Variants in PLPPR3 observed in about 807,000 individuals in gnomAD.
The protein encoded by PLPPR3 is phospholipid phosphatase-related protein type 3.
In PLPPR3, 14 loss-of-function variants were observed where a neutral mutation model predicts 27.3. The ratio of observed to expected loss-of-function variants is 0.51; its 90% confidence interval spans 0.34 to 0.80. PLPPR3 has a LOEUF of 0.80. Ranked by LOEUF, PLPPR3 falls within the 30% of genes least tolerant of loss-of-function variation. The pLI is 0.01. For missense variants in PLPPR3, 1,287 were observed against 1,056.9 expected, an observed-to-expected ratio of 1.22 and a Z score of -3.02; for synonymous variants, 671 against 508.0, an observed-to-expected ratio of 1.32 and a Z score of -4.32.
Position 815,864 on chromosome 19 carries a change from G to A in PLPPR3, c.76-13C>T. 6.2e-7 allele frequency: 1 copy of A among 1,610,822 alleles called. No homozygotes were observed. Among genetic ancestry groups the A allele is most frequent in the Non-Finnish European group, 8.5e-7 (1 of 1,178,758 alleles). ...CCACTATGGGCAGCTGTGGGGACAAGGTGGGCCAGGTTCACCCTGCTCTCC... is the reference window on the plus strand; with the variant it reads ...CCACTATGGGCAGCTGTGGGGACAAAGTGGGCCAGGTTCACCCTGCTCTCC... On this transcript the variant is annotated splice_polypyrimidine_tract_variant and intron_variant, in intron 2 of 7. Coordinates refer to ENST00000520876, the MANE Select transcript of PLPPR3 (RefSeq NM_001270366.2).
At chr19:814,346 T>A (rs1349519953) in intron 7 of PLPPR3, 88 bp downstream of exon 7, 1 of 1,316,016 alleles carries the variant, frequency 7.6e-7, no homozygotes, top group Non-Finnish European at 1.0e-6. Context: ...TGGGCCAGCC[T>A]CCCCACTCAG....
chr19:822,570 C>T (rs2145088154), upstream of PLPPR3, among the ~76,000 whole-genome samples: 1 of 152,290 alleles, frequency 6.6e-6, no homozygotes, highest in South Asian at 2.1e-4. Flanking sequence ...CCACCCTCCG[C>T]CTGGCCGCAG....
rs1311030776 is a variant in PLPPR3, at chr19:812,847, C to A, written c.1880G>T (p.Gly627Val). 1.8e-6 allele frequency: 2 copies of A among 1,142,092 alleles called. No homozygotes were observed. The highest frequency in any genetic ancestry group is 2.2e-6 in the Non-Finnish European group (2 of 928,232). 70.7% of individuals were successfully genotyped at this position (1,142,092 alleles called of 1,614,324 possible). The change falls in exon 8 of 8, where the codon GGC becomes GTC. Residue 627 changes from glycine (G) to valine (V), a missense_variant. Transcript: ENST00000520876. Reference protein sequence around the residue: ...GGYELGDLARGFRGGAKPPGV... With the variant: ...GGYELGDLARVFRGGAKPPGV... ...CGGGGGCTTGGCCCCGCCGCGGAAG[C>A]CGCGCGCCAGGTCCCCCAGCTCGTA...
At chr19:819,639 A>G (rs1287874447) in intron 2 of PLPPR3, among the ~76,000 whole-genome samples, 1 of 152,112 alleles carries the variant, frequency 6.6e-6, no homozygotes, top group African/African-American at 2.4e-5. Context: ...ATTTTCTATG[A>G]AGTGATGTGG....
In PLPPR3 at chr19:813,015, G is replaced by T; in HGVS notation, c.1712C>A (p.Ser571Ter). Residue 571 changes from serine to a stop codon, truncating the protein, a stop_gained, in exon 8 of 8, where the codon TCG (serine) becomes TAG (stop). Coordinates refer to ENST00000520876, the MANE Select transcript of PLPPR3 (RefSeq NM_001270366.2). LOFTEE classifies it low-confidence loss of function (END_TRUNC). This position sits in a 1 kb window ranked among gnomAD's most constrained non-coding sequence, Gnocchi z 4.1. Reference sequence around the variant, plus strand: ...GCTGGCGGAGTCGCGGTCCGACGGCGACCGGTACTGCGAGGAGTCGGAGCT... The same window carrying T: ...GCTGGCGGAGTCGCGGTCCGACGGCTACCGGTACTGCGAGGAGTCGGAGCT... ...SASSDSSQYR[S>*]PSDRDSASIV... 2 of 1,518,332 alleles carry T rather than the reference G, an allele frequency of 1.3e-6. No individual in the cohort carries two copies. Among genetic ancestry groups the T allele is most frequent in the South Asian group, 2.4e-5 (2 of 83,848 alleles). The allele number at this position is 1,518,332 out of a possible 1,614,324, so 94.1% of individuals were successfully genotyped here.
rs1342805790 is a variant in PLPPR3, at chr19:813,352, C to T, written c.1375G>A (p.Glu459Lys). The T allele has an allele frequency of 2.0e-6, 3 of 1,480,190 alleles. No individual in the cohort carries two copies. The highest frequency in any genetic ancestry group is 2.9e-5 in the African/African-American group (2 of 69,438). The allele number at this position is 1,480,190 out of a possible 1,614,324, so 91.7% of individuals were successfully genotyped here. ...EEEEEEEEEE[E>K]DEGPAPPSLY... ...GAGGGCGGGGCCGGGCCCTCGTCCT[C>T]CTCCTCTTCCTCCTCCTCCTCTTCC... is the stretch of plus-strand genomic sequence containing the variant. Residue 459 changes from glutamate (E) to lysine (K), a missense_variant, in exon 8 of 8, where the codon GAG becomes AAG. By Grantham distance (56) the Glu-to-Lys change is moderately conservative. Coordinates refer to ENST00000520876, the MANE Select transcript of PLPPR3 (RefSeq NM_001270366.2). This position sits in a 1 kb window ranked among gnomAD's most constrained non-coding sequence, Gnocchi z 4.1.
chr19:814,784 T>G, intron 5 of PLPPR3, 35 bp from the exon 6 acceptor site: 1 of 1,558,920 alleles, frequency 6.4e-7, no homozygotes, highest in Non-Finnish European at 8.6e-7. Flanking sequence ...CCCGCCCACC[T>G]GGGGACCCCA....
intron 2 of PLPPR3, among the ~76,000 whole-genome samples, chr19:816,445 C>CA (rs2035057245): frequency 6.7e-6 from 1 of 149,486 alleles, no homozygotes; most frequent in African/African-American, 2.5e-5. Context: ...CATCTACCCA[C>CA]CTACCCATCC....
chr19:818,524 G>A (rs2035096813), intron 2 of PLPPR3, among the ~76,000 whole-genome samples: 1 of 151,958 alleles, frequency 6.6e-6, no homozygotes, highest in African/African-American at 2.4e-5. Flanking sequence ...AACACAGTAA[G>A]ACCCTGTCTC....
Position 812,521 on chromosome 19 carries a change from GCCGCCC to G in PLPPR3, c.*43_*48del, listed in dbSNP as rs2034936401. 5 of 987,480 alleles carry G rather than the reference GCCGCCC, an allele frequency of 5.1e-6. No homozygotes were observed. Among genetic ancestry groups the G allele is most frequent in the Non-Finnish European group, 6.0e-6 (5 of 830,690 alleles). The allele number at this position is 987,480 out of a possible 1,614,324, so 61.2% of individuals were successfully genotyped here. ...TGCCGCTTTATTGAGCATCCGCGCGGCCGCCCGCGCCCTCGGCCCGCCCCCCGCCCG... is the reference window on the plus strand; with the variant it reads ...TGCCGCTTTATTGAGCATCCGCGCGGGCGCCCTCGGCCCGCCCCCCGCCCG... On this transcript the variant is annotated 3_prime_UTR_variant, in exon 8 of 8. Transcript: ENST00000520876.
Position 812,609 on chromosome 19 carries a change from GC to G in PLPPR3, c.2117del (p.Gly706AlafsTer36). The G allele has an allele frequency of 9.0e-7, 1 of 1,116,032 alleles. No homozygotes were observed. Among genetic ancestry groups the G allele is most frequent in the Non-Finnish European group, 1.1e-6 (1 of 903,102 alleles). 69.1% of individuals were successfully genotyped at this position (1,116,032 alleles called of 1,614,324 possible). On this transcript the variant is annotated frameshift_variant, in exon 8 of 8. Coordinates refer to ENST00000520876, the MANE Select transcript of PLPPR3 (RefSeq NM_001270366.2). LOFTEE classifies it low-confidence loss of function (END_TRUNC). The part of the protein sequence containing the change: ...AEREAEAEAE[G>X]YFRKMQARRF... The stretch of plus-strand genomic sequence containing the variant: ...GGCGCGCCTGCATCTTGCGGAAGTA[GC>G]CCTCGGCCTCCGCCTCCGCCTCGCG...
At position 813,309 on chromosome 19, in the gene PLPPR3, T is replaced by C; in HGVS notation, c.1418A>G (p.Gln473Arg). 1 of 1,463,674 alleles carries C rather than the reference T, an allele frequency of 6.8e-7. No homozygotes were observed. The highest frequency in any genetic ancestry group is 8.9e-7 in the Non-Finnish European group (1 of 1,120,182). The allele number at this position is 1,463,674 out of a possible 1,614,324, so 90.7% of individuals were successfully genotyped here. ...CCGAGGCCCCAGCCCCGGCCGCGCC[T>C]GCACGGTGGGGTAGAGCGAGGGCGG... ...PAPPSLYPTV[Q>R]ARPGLGPRVI... The change falls in exon 8 of 8, where the codon CAG becomes CGG. Residue 473 changes from glutamine to arginine, a missense_variant. Coordinates refer to ENST00000520876, the MANE Select transcript of PLPPR3 (RefSeq NM_001270366.2). This position sits in a 1 kb window ranked among gnomAD's most constrained non-coding sequence, Gnocchi z 4.1.
At chr19:820,048 A>G (rs2035122356) in intron 2 of PLPPR3, among the ~76,000 whole-genome samples, 1 of 152,064 alleles carries the variant, frequency 6.6e-6, no homozygotes, top group Admixed American at 6.6e-5. Context: ...GGTTTTTGCC[A>G]TGTTGCCCAG....
intron 2 of PLPPR3, among the ~76,000 whole-genome samples, chr19:818,691 G>T (rs961152865): frequency 6.6e-6 from 1 of 151,616 alleles, no homozygotes. Context: ...CCGCCACCGC[G>T]CCCGGCTAAT....
At chr19:822,416 G>C (rs995728051), upstream of PLPPR3, among the ~76,000 whole-genome samples, 2 of 152,172 alleles carry the variant, frequency 1.3e-5, no homozygotes, top group Admixed American at 1.3e-4. Flanking sequence ...CCCGCCGCTC[G>C]CTGGTGCGCG....
chr19:821,043 G>A lies in PLPPR3; in HGVS notation c.75+442C>T, dbSNP rs369681270. On this transcript the variant is annotated intron_variant, in intron 2 of 7. Transcript: ENST00000520876. ...AGATATTAATTCCTATCAGCTCCAG[G>A]AGTGGAAAAGCGGAGGCCCAGAGAG... 8.5e-5 allele frequency among the ~76,000 whole-genome samples: 13 copies of A among 152,312 alleles called. No homozygotes were observed. The East Asian group carries it at 9.6e-4, about 11-fold the overall frequency.
In PLPPR3 at chr19:815,861, C is replaced by G. The variant is rs1245599637; in HGVS notation, c.76-10G>C. 6.2e-6 allele frequency: 10 copies of G among 1,610,956 alleles called. No individual in the cohort carries two copies. The highest frequency in any genetic ancestry group is 8.5e-6 in the Non-Finnish European group (10 of 1,178,848). On this transcript the variant is annotated splice_polypyrimidine_tract_variant and intron_variant, in intron 2 of 7. Transcript: ENST00000520876. The stretch of plus-strand genomic sequence containing the variant: ...AAGCCACTATGGGCAGCTGTGGGGA[C>G]AAGGTGGGCCAGGTTCACCCTGCTC...
At chr19:823,020 G>A (rs2035171717), upstream of PLPPR3, among the ~76,000 whole-genome samples, 1 of 152,122 alleles carries the variant, frequency 6.6e-6, no homozygotes, top group Admixed American at 6.5e-5. Context: ...TCGGGAGGCT[G>A]AGGCAGGAGA....
chr19:816,641 A>G (rs1260810652), intron 2 of PLPPR3, among the ~76,000 whole-genome samples: 2 of 146,968 alleles, frequency 1.4e-5, no homozygotes, highest in Non-Finnish European at 3.0e-5. Context: ...TCATTCATCT[A>G]TCCATCCATC....
Sources: gnomAD v4.1 joint callset for allele counts (sites outside exome capture counted in the v4.1 genomes callset) on GRCh38, gnomAD v4.1.1 for gene constraint, Gnocchi (gnomAD v3.1) non-coding constraint, MANE v1.5 for transcripts, NCBI Gene and HGNC (gene_info 2026-07-23, HGNC 2026-07-21) for gene names.